The following MAGI3 variants were observed in gnomAD, a reference collection of about 807,000 sequenced individuals.
MAGI3 encodes the protein membrane-associated guanylate kinase, WW and PDZ domain-containing protein 3.
MAGI3 carries 43 observed loss-of-function variants against 121.8 expected under a neutral mutation model. The observed-to-expected ratio is 0.35, with a 90% confidence interval of 0.28 to 0.46. The LOEUF (loss-of-function observed/expected upper bound fraction) is 0.46. MAGI3 is among the 20% of genes least tolerant of loss of function. MAGI3 has a pLI of 1.00. For missense variants in MAGI3, 1,547 were observed against 1,797.3 expected (o/e 0.86, Z 2.52); for synonymous variants, 553 against 639.3 (o/e 0.86, Z 2.04).
At chr1:113,681,645 AAT>A (rs1648225223) in intron 20 of MAGI3, among the ~76,000 whole-genome samples, 1 of 152,262 alleles carries the variant, frequency 6.6e-6, no homozygotes, top group Non-Finnish European at 1.5e-5. Context: ...TACCATAAAA[AAT>A]GTTTTAAATC....
chr1:113,532,915 C>T (rs752093483), intron 1 of MAGI3, among the ~76,000 whole-genome samples: 9 of 152,104 alleles, frequency 5.9e-5, no homozygotes, highest in Non-Finnish European at 1.2e-4. Context: ...AGACTTTTTC[C>T]AACTGAATTG....
chr1:113,560,232 G>A (rs1660167084), intron 2 of MAGI3, among the ~76,000 whole-genome samples: 1 of 151,968 alleles, frequency 6.6e-6, no homozygotes, highest in Admixed American at 6.6e-5. Context: ...TCAAAAATTA[G>A]TTGAGTATGG....
chr1:113,468,227 A>T (rs1162458773), intron 1 of MAGI3, among the ~76,000 whole-genome samples: 1 of 152,164 alleles, frequency 6.6e-6, no homozygotes, highest in Non-Finnish European at 1.5e-5. Context: ...TGTTATTATT[A>T]ATATATAGTG....
At chr1:113,494,298 G>A (rs1487157342) in intron 1 of MAGI3, among the ~76,000 whole-genome samples, 1 of 151,914 alleles carries the variant, frequency 6.6e-6, no homozygotes, top group South Asian at 2.1e-4. Context: ...ACGTACAAGT[G>A]GGAGCTAAAT....
intron 1 of MAGI3, among the ~76,000 whole-genome samples, chr1:113,490,648 A>G (rs1656625384): frequency 1.3e-5 from 2 of 152,234 alleles, no homozygotes; most frequent in African/African-American, 4.8e-5. Flanking sequence ...ACGGAGTGAC[A>G]TACATAGGCT....
chr1:113,413,067 AAGGGATCC>A (rs1461547272), intron 1 of MAGI3, among the ~76,000 whole-genome samples: 2 of 152,140 alleles, frequency 1.3e-5, no homozygotes, highest in Admixed American at 1.3e-4. Context: ...AGGTGTAAGG[AAGGGATCC>A]AGTTTCAGCT....
intron 1 of MAGI3, among the ~76,000 whole-genome samples, chr1:113,542,478 TTAGA>T (rs1328766088): frequency 6.6e-6 from 1 of 152,174 alleles, no homozygotes; most frequent in Non-Finnish European, 1.5e-5. Context: ...AGACAAAACG[TTAGA>T]TAAAGAGGAA....
intron 1 of MAGI3, among the ~76,000 whole-genome samples, chr1:113,472,533 T>G (rs1246272941): frequency 6.6e-6 from 1 of 152,302 alleles, no homozygotes; most frequent in East Asian, 1.9e-4. Flanking sequence ...GTTTTGTTAA[T>G]TTTTTTCTGA....
chr1:113,567,721 G>A (rs1660491212), intron 2 of MAGI3, among the ~76,000 whole-genome samples: 1 of 151,910 alleles, frequency 6.6e-6, no homozygotes, highest in Admixed American at 6.6e-5. Context: ...GGAGTAGAAG[G>A]AAACTACCTC....
chr1:113,659,213 G>A lies in MAGI3; in HGVS notation c.2763G>A (p.Gln921=), dbSNP rs1231353259. 4.3e-6 allele frequency: 7 copies of A among 1,613,874 alleles called. No homozygotes were observed. The highest frequency in any genetic ancestry group is 5.9e-6 in the Non-Finnish European group (7 of 1,179,964). Residue 921 remains glutamine, a synonymous_variant, in exon 16 of 21, where the codon CAG becomes CAA. Transcript: ENST00000307546. ...AACTGTCTCATGATAACATTGTTCA[G>A]CTGATCAAAGATGCTGGTGTCACCG... is the stretch of plus-strand genomic sequence containing the variant. The part of the protein sequence containing the change: ...IVELSHDNIV[Q]LIKDAGVTVT...
At chr1:113,417,395 C>T (rs1652512161) in intron 1 of MAGI3, among the ~76,000 whole-genome samples, 1 of 151,972 alleles carries the variant, frequency 6.6e-6, no homozygotes, top group African/African-American at 2.4e-5. Context: ...TTGGGGACCA[C>T]ATTTATTGAT....
In MAGI3 at chr1:113,674,988, T is replaced by C. The variant is rs536179014; in HGVS notation, c.3189+1523T>C. Among the ~76,000 whole-genome samples the C allele has an allele frequency of 2.6e-5, 4 of 152,306 alleles. No individual in the cohort carries two copies. The East Asian group carries it at 7.7e-4, about 29-fold the overall frequency. ...CGTAAAACTAAGGAAGTATAAGTCA[T>C]GTACAGGGAACTTCAAATGGTTGAG... On this transcript the variant is annotated intron_variant, in intron 19 of 20. Coordinates refer to ENST00000307546, the MANE Select transcript of MAGI3 (RefSeq NM_001142782.2).
intron 20 of MAGI3, chr1:113,682,239 A>G: frequency 1.2e-6 from 2 of 1,607,300 alleles, no homozygotes; most frequent in East Asian, 2.2e-5. Context: ...CTGTGCTCCT[A>G]CGTGAAACCC....
At chr1:113,514,681 T>C (rs1024272443) in intron 1 of MAGI3, among the ~76,000 whole-genome samples, 7 of 152,056 alleles carry the variant, frequency 4.6e-5, no homozygotes, top group African/African-American at 9.7e-5. Context: ...TGCTAAATGA[T>C]GAGTTAATGG....
chr1:113,639,827 C>G lies in MAGI3; in HGVS notation c.1361-2084C>G, dbSNP rs578100509. ...AGGTGATCCACCTGCCTCAGCCTCCCAAAGTGCGGGGATTACAGGCGTGAG... is the reference window on the plus strand; with the variant it reads ...AGGTGATCCACCTGCCTCAGCCTCCGAAAGTGCGGGGATTACAGGCGTGAG... On this transcript the variant is annotated intron_variant, in intron 9 of 20. Transcript: ENST00000307546. 2.0e-5 allele frequency among the ~76,000 whole-genome samples: 3 copies of G among 152,128 alleles called. No homozygotes were observed. In the South Asian group the frequency reaches 6.2e-4, roughly 32 times the overall value.
At chr1:113,663,587 A>G (rs1653896940) in intron 16 of MAGI3, among the ~76,000 whole-genome samples, 1 of 151,776 alleles carries the variant, frequency 6.6e-6, no homozygotes, top group Non-Finnish European at 1.5e-5. Context: ...GCATACATAT[A>G]TTTTTCTTAC....
chr1:113,456,261 G>A (rs1289590147), intron 1 of MAGI3, among the ~76,000 whole-genome samples: 2 of 151,304 alleles, frequency 1.3e-5, no homozygotes, highest in African/African-American at 4.9e-5. Context: ...CACCACGCCC[G>A]GCCCCATTTT....
At chr1:113,603,357 A>AACG (rs1414538397) in intron 6 of MAGI3, among the ~76,000 whole-genome samples, 1 of 87,978 alleles carries the variant, frequency 1.1e-5, no homozygotes, top group African/African-American at 3.3e-5. Context: ...AATTGCCAAC[A>AACG]ACAACAACAA....
chr1:113,437,966 T>C (rs1001271752), intron 1 of MAGI3, among the ~76,000 whole-genome samples: 3 of 149,450 alleles, frequency 2.0e-5, no homozygotes, highest in African/African-American at 7.4e-5. Context: ...CTTTTCTTTT[T>C]TGAATATATA....
Sources: gnomAD v4.1 joint callset for allele counts (sites outside exome capture counted in the v4.1 genomes callset) on GRCh38, gnomAD v4.1.1 for gene constraint, MANE v1.5 for transcripts, NCBI Gene and HGNC (gene_info 2026-07-23, HGNC 2026-07-21) for gene names.